CSMD1: variants seen among roughly 807,000 people sequenced by gnomAD.
The protein encoded by CSMD1 is CUB and sushi domain-containing protein 1.
CSMD1 carries 213 observed loss-of-function variants against 417.5 expected under a neutral mutation model. The observed-to-expected ratio is 0.51, with a 90% CI of 0.46 to 0.57. The LOEUF (loss-of-function observed/expected upper bound fraction) is 0.57, where lower values mean the gene tolerates loss of function less well. CSMD1 is among the 20% of genes least tolerant of loss of function. The probability of loss-of-function intolerance (pLI) is 0.00; values close to 1 mark genes in which losing one functional copy is unlikely to be tolerated. For synonymous variants in CSMD1, 2,862 were observed against 1,736.8 expected (o/e 1.65, Z -16.11); for missense variants, 6,923 against 4,529.7 (o/e 1.53, Z -15.17).
At chr8:3,254,131 G>C (rs4875434) in intron 26 of CSMD1, among the ~76,000 whole-genome samples, 27 of 152,056 alleles carry the variant, frequency 1.8e-4, no homozygotes, top group Admixed American at 2.6e-4. Context: ...CCTTCACTTA[G>C]GAAGCTTAGT....
intron 5 of CSMD1, among the ~76,000 whole-genome samples, chr8:3,885,252 A>G (rs1341753802): frequency 6.6e-6 from 1 of 152,136 alleles, no homozygotes; most frequent in Admixed American, 6.5e-5. Flanking sequence ...GAAAATCCTG[A>G]AAAGCCTCTA....
At chr8:4,182,879 G>T (rs896365498) in intron 3 of CSMD1, among the ~76,000 whole-genome samples, 1 of 152,098 alleles carries the variant, frequency 6.6e-6, no homozygotes, top group African/African-American at 2.4e-5. Flanking sequence ...TCAGAGTCTA[G>T]AACTGTATGT....
intron 1 of CSMD1, among the ~76,000 whole-genome samples, chr8:4,757,143 C>T (rs12546236): frequency 0.29 from 43,798 of 152,044 alleles, 7,646 homozygotes; most frequent in Admixed American, 0.44. Context: ...AGAATAGATG[C>T]GAATAACCAG....
intron 2 of CSMD1, among the ~76,000 whole-genome samples, chr8:4,490,613 A>G (rs1035671784): frequency 6.6e-6 from 1 of 152,172 alleles, no homozygotes; most frequent in Non-Finnish European, 1.5e-5. Flanking sequence ...AGAAACAAAG[A>G]CTGAAATCAG....
chr8:3,220,605 G>C (rs1206718999), intron 28 of CSMD1, among the ~76,000 whole-genome samples: 2 of 152,218 alleles, frequency 1.3e-5, no homozygotes, highest in Non-Finnish European at 2.9e-5. Flanking sequence ...GGCTGAGGCA[G>C]GCAGATCACG....
intron 1 of CSMD1, among the ~76,000 whole-genome samples, chr8:4,870,548 G>A (rs1001489736): frequency 2.6e-5 from 4 of 152,008 alleles, no homozygotes; most frequent in Non-Finnish European, 4.4e-5. Context: ...TCCTCTTCTC[G>A]TGTGTCAGTC....
intron 3 of CSMD1, among the ~76,000 whole-genome samples, chr8:4,398,073 C>G (rs1185464128): frequency 6.6e-6 from 1 of 152,188 alleles, no homozygotes; most frequent in Non-Finnish European, 1.5e-5. Flanking sequence ...GCTAGTATTA[C>G]TTTATCAGTC....
intron 2 of CSMD1, among the ~76,000 whole-genome samples, chr8:4,444,776 A>G (rs890346620): frequency 1.3e-5 from 2 of 152,172 alleles, no homozygotes; most frequent in Admixed American, 1.3e-4. Flanking sequence ...CCCTGATTTG[A>G]CTAAGAACAT....
intron 26 of CSMD1, among the ~76,000 whole-genome samples, chr8:3,271,335 A>G (rs1801837746): frequency 6.6e-6 from 1 of 151,990 alleles, no homozygotes; most frequent in East Asian, 1.9e-4. Context: ...TCATTGTTGG[A>G]CATTTGGGTT....
chr8:4,754,543 T>G (rs756496746), intron 1 of CSMD1, among the ~76,000 whole-genome samples: 2 of 133,178 alleles, frequency 1.5e-5, no homozygotes, highest in African/African-American at 3.2e-5. Context: ...CTGCACACTT[T>G]GTTTTTTTTT....
At chr8:3,543,447 G>C (rs907189783) in intron 10 of CSMD1, among the ~76,000 whole-genome samples, 6 of 152,142 alleles carry the variant, frequency 3.9e-5, no homozygotes, top group African/African-American at 1.2e-4. Context: ...AATGAGTTAG[G>C]AGAGATTTGC....
intron 5 of CSMD1, among the ~76,000 whole-genome samples, chr8:3,838,170 T>C (rs913329943): frequency 1.3e-5 from 2 of 152,042 alleles, no homozygotes; most frequent in Non-Finnish European, 2.9e-5. Context: ...AGAATACAAA[T>C]GAATCAGACA....
intron 1 of CSMD1, among the ~76,000 whole-genome samples, chr8:4,953,335 T>C (rs1239046377): frequency 6.6e-6 from 1 of 152,166 alleles, no homozygotes; most frequent in Non-Finnish European, 1.5e-5. Flanking sequence ...GTTGTAACTT[T>C]TCATTAACAG....
intron 7 of CSMD1, among the ~76,000 whole-genome samples, chr8:3,627,086 G>T (rs993308990): frequency 6.6e-6 from 1 of 152,096 alleles, no homozygotes; most frequent in East Asian, 1.9e-4. Context: ...TGCTGTGATA[G>T]TTTAACATTG....
At chr8:4,056,940 G>T (rs1054416126) in intron 3 of CSMD1, among the ~76,000 whole-genome samples, 2 of 152,096 alleles carry the variant, frequency 1.3e-5, no homozygotes, top group African/African-American at 2.4e-5. Context: ...TATCACTGTT[G>T]GACATTTGGG....
chr8:3,940,947 T>C (rs1043917743), intron 5 of CSMD1, among the ~76,000 whole-genome samples: 1 of 151,902 alleles, frequency 6.6e-6, no homozygotes, highest in Non-Finnish European at 1.5e-5. Context: ...ATATTTTACA[T>C]ATATGTCCAA....
intron 6 of CSMD1, among the ~76,000 whole-genome samples, chr8:3,739,239 C>G (rs1416651443): frequency 6.6e-6 from 1 of 152,176 alleles, no homozygotes; most frequent in African/African-American, 2.4e-5. Context: ...CCCAGGCATT[C>G]TGTTCTCATC....
Position 4,835,222 on chromosome 8 carries a change from G to C in CSMD1, c.85+159110C>G, listed in dbSNP as rs188837228. 2.4e-3 allele frequency among the ~76,000 whole-genome samples: 359 copies of C among 152,154 alleles called. 2 individuals are homozygous for C. Among genetic ancestry groups the C allele is most frequent in the South Asian group, 4.8e-3 (23 of 4,802 alleles). On this transcript the variant is annotated intron_variant, in intron 1 of 69. Coordinates refer to ENST00000635120, the MANE Select transcript of CSMD1 (RefSeq NM_033225.6). The stretch of plus-strand genomic sequence containing the variant: ...ATTTATTTATTAGCGTCAGAGAGGA[G>C]ATAAATGATTGAATTGCAACAGTGG...
chr8:3,796,949 G>A (rs1190993564), intron 5 of CSMD1, among the ~76,000 whole-genome samples: 1 of 151,662 alleles, frequency 6.6e-6, no homozygotes, highest in Non-Finnish European at 1.5e-5. Flanking sequence ...ATGTAATGAA[G>A]ATGAAGTATA....
Sources: allele counts gnomAD v4.1 joint callset (sites outside exome capture counted in the v4.1 genomes callset), GRCh38; gene constraint gnomAD v4.1.1; transcripts MANE v1.5; gene names NCBI Gene and HGNC (gene_info 2026-07-23, HGNC 2026-07-21).